Variants in WDR26 observed in about 807,000 individuals in gnomAD.
WDR26 encodes WD repeat-containing protein 26.
WDR26 carries 5 observed loss-of-function variants against 84.1 expected under a neutral mutation model. The ratio of observed to expected loss-of-function variants is 0.06; its 90% confidence interval spans 0.03 to 0.13. WDR26 has a LOEUF of 0.13. WDR26 is among the 10% of genes least tolerant of loss of function. WDR26 has a pLI of 1.00. For synonymous variants in WDR26, 415 were observed against 389.6 expected, an observed-to-expected ratio of 1.07 and a Z score of -0.77; for missense variants, 642 against 974.9, an observed-to-expected ratio of 0.66 and a Z score of 4.55.
chr1:224,401,990 A>G, intron 8 of WDR26: 1 of 152,210 alleles, frequency 6.6e-6, no homozygotes. Context: ...TCAACTTAGA[A>G]GGTATACACA....
At chr1:224,390,816 A>C (rs1357701829) in intron 13 of WDR26, among the ~76,000 whole-genome samples, 1 of 152,168 alleles carries the variant, frequency 6.6e-6, no homozygotes, top group African/African-American at 2.4e-5. Context: ...GTGTAAAATC[A>C]ATGGTTTTTA....
rs1004410424 is a variant in WDR26 at position 224,386,128 on chromosome 1, A to C, written c.*3707T>G. ...AGCTTAACAACACTGAAAAATTTCAATTAAGTTCACCCTGTTTTTAGAAAG... is the reference window on the plus strand; with the variant it reads ...AGCTTAACAACACTGAAAAATTTCACTTAAGTTCACCCTGTTTTTAGAAAG... On this transcript the variant is annotated 3_prime_UTR_variant, in exon 14 of 14. Transcript: ENST00000414423. 2 of 152,622 alleles carry C rather than the reference A, an allele frequency of 1.3e-5. No homozygotes were observed. Among genetic ancestry groups the C allele is most frequent in the Non-Finnish European group, 2.9e-5 (2 of 68,018 alleles). 9.5% of individuals were successfully genotyped at this position (152,622 alleles called of 1,614,324 possible). A position where few individuals can be genotyped will look rare whatever the true frequency, so the allele number is the denominator to read the frequency against.
intron 10 of WDR26, 125 bp from the exon 11 acceptor site, chr1:224,398,718 C>G: frequency 8.5e-7 from 1 of 1,173,512 alleles, no homozygotes; most frequent in Non-Finnish European, 1.2e-6. Context: ...ACATACTATA[C>G]TTCAATTGAG....
intron 12 of WDR26, among the ~76,000 whole-genome samples, chr1:224,396,080 G>A (rs553575021): frequency 1.1e-4 from 17 of 152,200 alleles, no homozygotes; most frequent in African/African-American, 3.9e-4. Flanking sequence ...TAATATACTC[G>A]CTATATCTGA....
At position 224,388,491 on chromosome 1, in the gene WDR26, A is replaced by G. The variant is rs893270043; in HGVS notation, c.*1344T>C. 1 of 152,520 alleles carries G rather than the reference A, an allele frequency of 6.6e-6. No homozygotes were observed. The highest frequency in any genetic ancestry group is 1.5e-5 in the Non-Finnish European group (1 of 68,048). 9.4% of individuals were successfully genotyped at this position (152,520 alleles called of 1,614,324 possible). A position where few individuals can be genotyped will look rare whatever the true frequency, so the allele number is the denominator to read the frequency against. On this transcript the variant is annotated 3_prime_UTR_variant, in exon 14 of 14. Transcript: ENST00000414423. ...TTTAAATGTGAAATTCTCAAAATTA[A>G]AAGTGCTTTTCCATGAAGGAAACCT...
chr1:224,430,478 G>C (rs1187494217), intron 3 of WDR26: 1 of 151,872 alleles, frequency 6.6e-6, no homozygotes, highest in Admixed American at 6.6e-5. Flanking sequence ...TACTGAGTTT[G>C]AAAACTCTTT....
intron 13 of WDR26, among the ~76,000 whole-genome samples, chr1:224,390,685 C>T (rs6684878): frequency 0.12 from 17,977 of 152,052 alleles, 1,301 homozygotes; most frequent in South Asian, 0.25. Context: ...AAAGTGTACA[C>T]TTTGAACCCG....
At chr1:224,418,554 C>T (rs1200816626) in intron 5 of WDR26, 138 bp from the exon 6 acceptor site, 23 of 727,710 alleles carry the variant, frequency 3.2e-5, no homozygotes, top group Non-Finnish European at 4.1e-5. Flanking sequence ...CTGCGTTATG[C>T]GATACGTGAG....
intron 1 of WDR26, 28 bp downstream of exon 1, chr1:224,433,656 T>C (rs947117246): frequency 1.4e-6 from 2 of 1,391,094 alleles, no homozygotes; most frequent in African/African-American, 3.0e-5. Flanking sequence ...GGTCTGTCCA[T>C]CACCAGCTGG....
In WDR26 at chr1:224,410,738, C is replaced by T. The variant is rs1229260457; in HGVS notation, c.1458+689G>A. 2.8e-5 allele frequency among the ~76,000 whole-genome samples: 4 copies of T among 141,960 alleles called. No homozygotes were observed. The East Asian group carries it at 7.9e-4, about 28-fold the overall frequency. The allele number at this position is 141,960 out of a possible 152,430, so 93.1% of individuals were successfully genotyped here. On this transcript the variant is annotated intron_variant, in intron 7 of 13. Coordinates refer to ENST00000414423, the MANE Select transcript of WDR26 (RefSeq NM_001379403.1). ...TTGAGACAGGGTCTCACTCTGTTGC[C>T]CAGCCTTGAGTGTGCAGTATCAAGG...
chr1:224,425,439 GCT>G (rs1674182120), intron 3 of WDR26, among the ~76,000 whole-genome samples: 1 of 152,198 alleles, frequency 6.6e-6, no homozygotes, highest in Non-Finnish European at 1.5e-5. Flanking sequence ...ATTATTATTC[GCT>G]CTTTTCTCCC....
intron 4 of WDR26, among the ~76,000 whole-genome samples, chr1:224,420,881 T>A (rs1333729754): frequency 5.9e-5 from 9 of 152,134 alleles, no homozygotes; most frequent in South Asian, 2.1e-4. Context: ...TACAGGCGTG[T>A]GCCACCGTGC....
At chr1:224,414,775 T>G (rs1035560228) in intron 6 of WDR26, among the ~76,000 whole-genome samples, 1 of 151,892 alleles carries the variant, frequency 6.6e-6, no homozygotes, top group South Asian at 2.1e-4. Flanking sequence ...AGGCCAGGAG[T>G]TTGAGATTGG....
intron 2 of WDR26, 44 bp from the exon 3 acceptor site, chr1:224,431,625 GC>G (rs1674396538): frequency 6.2e-7 from 1 of 1,609,902 alleles, no homozygotes; most frequent in Non-Finnish European, 8.5e-7. Context: ...GTCACAAAAT[GC>G]ACATCAAATC....
chr1:224,410,084 C>A (rs1431616227), intron 7 of WDR26, among the ~76,000 whole-genome samples: 5 of 151,786 alleles, frequency 3.3e-5, no homozygotes, highest in Non-Finnish European at 5.9e-5. Context: ...AGTTTGAGAC[C>A]AGTCTGGCCA....
intron 3 of WDR26, 192 bp from the exon 4 acceptor site, chr1:224,424,846 C>T (rs1051513730): frequency 1.4e-5 from 9 of 638,820 alleles, no homozygotes; most frequent in Non-Finnish European, 2.4e-5. Flanking sequence ...TGCTCAATTC[C>T]ACATCTTACT....
At chr1:224,401,260 A>G (rs1459006225) in intron 8 of WDR26, among the ~76,000 whole-genome samples, 191 bp from the exon 9 acceptor site, 1 of 152,218 alleles carries the variant, frequency 6.6e-6, no homozygotes, top group East Asian at 1.9e-4. Flanking sequence ...AGAAAAACCC[A>G]GCAGTTGAAC....
In WDR26 at chr1:224,434,765, G is replaced by C. The variant is rs1383130485; in HGVS notation, c.-360C>G. On this transcript the variant is annotated 5_prime_UTR_variant, in exon 1 of 14. Transcript: ENST00000414423. ...CGGATCCGCTCCGCTCTGCTCCCTG[G>C]TGTGTTGATTCTTCCCCCAGCTGCT... The C allele has an allele frequency of 1.4e-5, 14 of 986,288 alleles. No homozygotes were observed. The highest frequency in any genetic ancestry group is 1.7e-5 in the African/African-American group (1 of 57,188). The allele number at this position is 986,288 out of a possible 1,614,324, so 61.1% of individuals were successfully genotyped here. A position where few individuals can be genotyped will look rare whatever the true frequency, so the allele number is the denominator to read the frequency against.
At chr1:224,419,461 T>C (rs1296813108) in intron 5 of WDR26, 57 bp downstream of exon 5, 1 of 1,271,588 alleles carries the variant, frequency 7.9e-7, no homozygotes, top group East Asian at 2.3e-5. Context: ...AATTGATCAC[T>C]GTATCCATTT....
Sources: allele counts gnomAD v4.1 joint callset (sites outside exome capture counted in the v4.1 genomes callset), GRCh38; gene constraint gnomAD v4.1.1; transcripts MANE v1.5; gene names NCBI Gene and HGNC (gene_info 2026-07-23, HGNC 2026-07-21).